Variants in B3GALT1 observed in about 807,000 individuals in gnomAD.
The protein encoded by B3GALT1 is beta-1,3-galactosyltransferase 1, also known as UDP-Gal:betaGlcNAc beta 1,3-galactosyltransferase, polypeptide 1.
In B3GALT1, 10 loss-of-function variants were observed where a neutral mutation model predicts 23.2. The observed-to-expected ratio is 0.43, with a 90% CI of 0.27 to 0.73. The LOEUF (loss-of-function observed/expected upper bound fraction) is 0.73, where lower values mean the gene tolerates loss of function less well. Ranked by LOEUF, B3GALT1 falls within the 30% of genes least tolerant of loss-of-function variation. The pLI, the probability that B3GALT1 is intolerant of heterozygous loss-of-function variation, is 0.21. For synonymous variants in B3GALT1, 156 were observed against 141.5 expected (o/e 1.10, Z -0.73); for missense variants, 299 against 405.4 (o/e 0.74, Z 2.25).
chr2:167,763,205 G>A (rs761908871), intron 3 of B3GALT1, among the ~76,000 whole-genome samples: 11 of 152,044 alleles, frequency 7.2e-5, no homozygotes, highest in Admixed American at 2.6e-4. Flanking sequence ...CTGAAATGCC[G>A]CAAATGAATA....
At chr2:167,717,028 A>AT (rs1463080854) in intron 3 of B3GALT1, among the ~76,000 whole-genome samples, 1 of 152,118 alleles carries the variant, frequency 6.6e-6, no homozygotes, top group Non-Finnish European at 1.5e-5. Context: ...CAATGCTGTG[A>AT]TTTTTGCTTG....
chr2:167,643,236 G>A (rs1199944748), intron 2 of B3GALT1, among the ~76,000 whole-genome samples: 1 of 152,170 alleles, frequency 6.6e-6, no homozygotes, highest in East Asian at 1.9e-4. Flanking sequence ...GACATTCAGA[G>A]CCTTCTTTTA....
intron 4 of B3GALT1, among the ~76,000 whole-genome samples, chr2:167,827,098 A>G (rs1689246857): frequency 6.6e-6 from 1 of 152,196 alleles, no homozygotes; most frequent in South Asian, 2.1e-4. Context: ...CAAGAACACC[A>G]GTGGGACAGA....
chr2:167,573,389 T>C (rs1684331136), intron 2 of B3GALT1, among the ~76,000 whole-genome samples: 2 of 151,776 alleles, frequency 1.3e-5, no homozygotes, highest in Admixed American at 1.3e-4. Context: ...TGACAGCAAA[T>C]GTGATTAATT....
chr2:167,428,640 T>A (rs1208017095), intron 1 of B3GALT1, among the ~76,000 whole-genome samples: 3 of 151,952 alleles, frequency 2.0e-5, no homozygotes, highest in Non-Finnish European at 4.4e-5. Flanking sequence ...ATCGCCCCAC[T>A]ACACTCTAGC....
At chr2:167,699,931 T>C (rs1467862932) in intron 3 of B3GALT1, among the ~76,000 whole-genome samples, 15 of 152,204 alleles carry the variant, frequency 9.9e-5, no homozygotes, top group Admixed American at 9.8e-4. Context: ...CAGGCTGGTC[T>C]TGAACTCCTG....
intron 1 of B3GALT1, among the ~76,000 whole-genome samples, chr2:167,394,822 G>C (rs889270683): frequency 1.3e-5 from 2 of 152,158 alleles, no homozygotes; most frequent in African/African-American, 2.4e-5. Flanking sequence ...TGTCCAGTTG[G>C]AAGTGAAATT....
At chr2:167,305,246 A>T (rs1200208883) in intron 1 of B3GALT1, among the ~76,000 whole-genome samples, 2 of 151,992 alleles carry the variant, frequency 1.3e-5, no homozygotes, top group Non-Finnish European at 2.9e-5. Flanking sequence ...TTGTTAATAT[A>T]TATATATATT....
At chr2:167,462,797 C>G (rs1699280369) in intron 1 of B3GALT1, among the ~76,000 whole-genome samples, 1 of 152,112 alleles carries the variant, frequency 6.6e-6, no homozygotes, top group Non-Finnish European at 1.5e-5. Flanking sequence ...CATTATAACA[C>G]ATTATATATT....
intron 1 of B3GALT1, among the ~76,000 whole-genome samples, chr2:167,394,155 C>T (rs1243407614): frequency 1.3e-5 from 2 of 152,150 alleles, no homozygotes; most frequent in Non-Finnish European, 2.9e-5. Flanking sequence ...AATGTCCATC[C>T]ACCTCTGAGT....
chr2:167,492,649 A>G (rs536615727), intron 2 of B3GALT1, among the ~76,000 whole-genome samples: 44 of 152,308 alleles, frequency 2.9e-4, no homozygotes, highest in Middle Eastern at 3.4e-3. Context: ...GGTTTTGTCA[A>G]TGCTTAGAGT....
chr2:167,443,933 T>C (rs189030282), intron 1 of B3GALT1, among the ~76,000 whole-genome samples: 2,649 of 152,222 alleles, frequency 0.017, 84 homozygotes, highest in African/African-American at 0.061. Flanking sequence ...AGAGGGCATC[T>C]CTGTCTTGTG....
rs149993955 is a variant in B3GALT1 at position 167,400,166 on chromosome 2, CTGTG to C, written c.-510-89987_-510-89984del. Among the ~76,000 whole-genome samples, 9 of 145,812 alleles carry C rather than the reference CTGTG, an allele frequency of 6.2e-5. No homozygotes were observed. The South Asian group carries it at 1.1e-3, about 18-fold the overall frequency. On this transcript the variant is annotated intron_variant, in intron 1 of 4. Coordinates refer to ENST00000392690, the MANE Select transcript of B3GALT1 (RefSeq NM_020981.4). ...GAGTTATGAAATTTTACATCTATGTCTGTGTGTGTGTGTGTGTGTGTGTGTGTCT... is the reference window on the plus strand; with the variant it reads ...GAGTTATGAAATTTTACATCTATGTCTGTGTGTGTGTGTGTGTGTGTGTCT...
At chr2:167,750,192 G>A (rs528547636) in intron 3 of B3GALT1, among the ~76,000 whole-genome samples, 15 of 152,278 alleles carry the variant, frequency 9.9e-5, no homozygotes, top group African/African-American at 3.6e-4. Flanking sequence ...CTATTTGCAA[G>A]CCTGAGTGAT....
chr2:167,621,728 T>G (rs752552100), intron 2 of B3GALT1, among the ~76,000 whole-genome samples: 2 of 152,060 alleles, frequency 1.3e-5, no homozygotes, highest in Non-Finnish European at 2.9e-5. Context: ...GTTCTCGTGA[T>G]AGTGAGTGAG....
At chr2:167,821,696 A>G (rs1689110574) in intron 4 of B3GALT1, among the ~76,000 whole-genome samples, 1 of 152,052 alleles carries the variant, frequency 6.6e-6, no homozygotes, top group Admixed American at 6.5e-5. Context: ...CATCCTCCCA[A>G]AGTGCTGAGA....
chr2:167,402,168 T>C (rs1375193222), intron 1 of B3GALT1, among the ~76,000 whole-genome samples: 1 of 152,098 alleles, frequency 6.6e-6, no homozygotes, highest in African/African-American at 2.4e-5. Flanking sequence ...ACTAATGTTA[T>C]GATAAAATAA....
At chr2:167,741,743 A>C (rs1687580022) in intron 3 of B3GALT1, among the ~76,000 whole-genome samples, 1 of 152,182 alleles carries the variant, frequency 6.6e-6, no homozygotes, top group East Asian at 1.9e-4. Flanking sequence ...TTTAGGGAGA[A>C]ATAAACTCCC....
intron 3 of B3GALT1, chr2:167,715,676 G>A (rs1424806221): frequency 2.2e-4 from 359 of 1,613,302 alleles, no homozygotes; most frequent in Non-Finnish European, 3.0e-4. Context: ...CTTTTCACAG[G>A]TTGCCTCCAA....
Sources: allele counts gnomAD v4.1 joint callset (sites outside exome capture counted in the v4.1 genomes callset), GRCh38; gene constraint gnomAD v4.1.1; transcripts MANE v1.5; gene names NCBI Gene and HGNC (gene_info 2026-07-23, HGNC 2026-07-21).